The following PLCL1 variants were observed in gnomAD, a reference collection of about 807,000 sequenced individuals.
PLCL1 encodes inactive phospholipase C-like protein 1.
A neutral mutation model predicts 84.4 loss-of-function variants in PLCL1; 41 were observed. The ratio of observed to expected loss-of-function variants is 0.49; its 90% CI spans 0.38 to 0.63. The LOEUF (loss-of-function observed/expected upper bound fraction) is 0.63, where lower values mean the gene tolerates loss of function less well. Ranked by LOEUF, PLCL1 falls within the 30% of genes least tolerant of loss-of-function variation. The pLI is 0.00. For synonymous variants in PLCL1, 490 were observed against 488.3 expected (o/e 1.00, Z -0.05); for missense variants, 1,206 against 1,367.8 (o/e 0.88, Z 1.87).
intron 1 of PLCL1, among the ~76,000 whole-genome samples, chr2:198,027,103 A>G (rs1027694822): frequency 2.0e-5 from 3 of 152,200 alleles, no homozygotes; most frequent in Non-Finnish European, 4.4e-5. Flanking sequence ...CAAGATATCA[A>G]CCTAATTGTT....
chr2:198,003,466 G>A (rs1690653430), intron 1 of PLCL1, among the ~76,000 whole-genome samples: 1 of 152,272 alleles, frequency 6.6e-6, no homozygotes, highest in African/African-American at 2.4e-5. Flanking sequence ...GGAATTATGT[G>A]CTGGACTCTT....
chr2:197,911,072 C>G (rs10497808), intron 1 of PLCL1, among the ~76,000 whole-genome samples: 10,897 of 152,200 alleles, frequency 0.072, 1,083 homozygotes, highest in African/African-American at 0.22. Context: ...CACACTGATT[C>G]AGTCATCTTT....
At chr2:198,107,760 A>G (rs970942087) in intron 5 of PLCL1, among the ~76,000 whole-genome samples, 1 of 151,898 alleles carries the variant, frequency 6.6e-6, no homozygotes. Context: ...TCCAAGAGAG[A>G]GCTTTTCAGA....
chr2:198,110,173 A>C (rs912665591), intron 5 of PLCL1, among the ~76,000 whole-genome samples: 4 of 151,882 alleles, frequency 2.6e-5, no homozygotes, highest in African/African-American at 9.7e-5. Context: ...ATAGATTTCC[A>C]ACTTATAATT....
chr2:197,822,194 C>A (rs1553492454), intron 1 of PLCL1, among the ~76,000 whole-genome samples: 1 of 152,094 alleles, frequency 6.6e-6, no homozygotes, highest in Non-Finnish European at 1.5e-5. Context: ...TTAGGAGAGC[C>A]TTTGGAGGTC....
intron 1 of PLCL1, among the ~76,000 whole-genome samples, chr2:197,970,267 GGC>G (rs1217463283): frequency 2.0e-5 from 3 of 152,090 alleles, no homozygotes; most frequent in African/African-American, 7.2e-5. Flanking sequence ...AGAGCATGGG[GGC>G]CAGGCTCACT....
At chr2:198,046,716 G>A (rs547626607) in intron 1 of PLCL1, among the ~76,000 whole-genome samples, 1 of 152,180 alleles carries the variant, frequency 6.6e-6, no homozygotes, top group South Asian at 2.1e-4. Context: ...GTGTGTGCCT[G>A]TAGCCCCAGC....
intron 1 of PLCL1, among the ~76,000 whole-genome samples, chr2:197,990,217 T>TA (rs987674052): frequency 2.0e-5 from 3 of 151,748 alleles, no homozygotes; most frequent in African/African-American, 7.3e-5. Context: ...ACATGATGGG[T>TA]AAAAAAAAGG....
chr2:198,142,791 C>T (rs956093232), intron 5 of PLCL1, among the ~76,000 whole-genome samples: 1 of 151,912 alleles, frequency 6.6e-6, no homozygotes, highest in African/African-American at 2.4e-5. Flanking sequence ...GTTAAAGCAT[C>T]CTTCTCTTTT....
At chr2:197,929,259 T>C (rs1688887373) in intron 1 of PLCL1, among the ~76,000 whole-genome samples, 1 of 152,310 alleles carries the variant, frequency 6.6e-6, no homozygotes, top group East Asian at 1.9e-4. Flanking sequence ...CCCATGGATA[T>C]GGAGGGCCGA....
At chr2:198,078,407 C>CAGAATGAA (rs1281157325) in intron 1 of PLCL1, among the ~76,000 whole-genome samples, 1 of 152,020 alleles carries the variant, frequency 6.6e-6, no homozygotes, top group Non-Finnish European at 1.5e-5. Flanking sequence ...TTCACAAAAC[C>CAGAATGAA]AGAATGAATA....
intron 1 of PLCL1, among the ~76,000 whole-genome samples, chr2:197,918,165 T>C (rs1442133014): frequency 3.3e-5 from 5 of 152,282 alleles, no homozygotes; most frequent in Middle Eastern, 3.4e-3. Context: ...TCTGTTGTCT[T>C]CCTCCTCCAA....
Position 197,934,054 on chromosome 2 carries a change from T to C in PLCL1, c.240+128715T>C, listed in dbSNP as rs1559049585. Among the ~76,000 whole-genome samples the C allele has an allele frequency of 2.6e-5, 4 of 152,240 alleles. No individual in the cohort carries two copies. In the East Asian group the frequency reaches 7.7e-4, roughly 29 times the overall value. On this transcript the variant is annotated intron_variant, in intron 1 of 5. Coordinates refer to ENST00000428675, the MANE Select transcript of PLCL1 (RefSeq NM_006226.4). ...TCAACACACTTAACTCTAATGCATCTCATCCAATTAGAGTTTATGGCAACT... is the reference window on the plus strand; with the variant it reads ...TCAACACACTTAACTCTAATGCATCCCATCCAATTAGAGTTTATGGCAACT...
chr2:198,124,859 C>A (rs896656387), intron 5 of PLCL1, among the ~76,000 whole-genome samples: 5 of 152,080 alleles, frequency 3.3e-5, no homozygotes, highest in African/African-American at 1.2e-4. Context: ...AAGGTTGGCA[C>A]TTTTTAGCCC....
chr2:197,883,463 A>G (rs1223033271), intron 1 of PLCL1, among the ~76,000 whole-genome samples: 3 of 152,188 alleles, frequency 2.0e-5, no homozygotes, highest in Non-Finnish European at 4.4e-5. Context: ...ACAATAAAGT[A>G]CTAGTTGGAT....
intron 1 of PLCL1, among the ~76,000 whole-genome samples, chr2:197,944,123 T>C (rs1689223253): frequency 6.6e-6 from 1 of 152,238 alleles, no homozygotes; most frequent in African/African-American, 2.4e-5. Context: ...TCTGGGTAGA[T>C]AGCTTGCATA....
intron 1 of PLCL1, among the ~76,000 whole-genome samples, chr2:197,859,046 C>T (rs1486893349): frequency 6.6e-6 from 1 of 152,132 alleles, no homozygotes; most frequent in Non-Finnish European, 1.5e-5. Flanking sequence ...GCTTAGAACT[C>T]CCACTTGTGC....
At chr2:197,947,488 C>T (rs1689304949) in intron 1 of PLCL1, among the ~76,000 whole-genome samples, 1 of 151,914 alleles carries the variant, frequency 6.6e-6, no homozygotes, top group South Asian at 2.1e-4. Context: ...TCCTGGAAAG[C>T]CTCTGCAAAG....
intron 5 of PLCL1, among the ~76,000 whole-genome samples, chr2:198,138,322 G>A (rs552517376): frequency 6.8e-4 from 103 of 152,164 alleles, no homozygotes; most frequent in African/African-American, 2.3e-3. Context: ...CAGCTAAGGG[G>A]AAGTGTTACA....
Sources: gnomAD v4.1 joint callset for allele counts (sites outside exome capture counted in the v4.1 genomes callset) on GRCh38, gnomAD v4.1.1 for gene constraint, MANE v1.5 for transcripts, NCBI Gene and HGNC (gene_info 2026-07-23, HGNC 2026-07-21) for gene names.